The following PRKN variants were observed in gnomAD, a reference collection of about 807,000 sequenced individuals.
PRKN encodes E3 ubiquitin-protein ligase parkin.
A neutral mutation model predicts 59.5 loss-of-function variants in PRKN; 56 were observed. The observed-to-expected ratio is 0.94, with a 90% CI of 0.76 to 1.18. PRKN has a LOEUF of 1.18. Ranked by LOEUF, PRKN falls within the 50% of genes most tolerant of loss-of-function variation. The pLI, the probability that PRKN is intolerant of heterozygous loss-of-function variation, is 0.00. For synonymous variants in PRKN, 250 were observed against 222.1 expected (o/e 1.13, Z -1.12); for missense variants, 657 against 596.4 (o/e 1.10, Z -1.06).
At chr6:162,226,091 TAATAATAA>T (rs1207463247) in intron 3 of PRKN, among the ~76,000 whole-genome samples, 3 of 101,504 alleles carry the variant, frequency 3.0e-5, no homozygotes, top group African/African-American at 1.0e-4. Context: ...ATAATAATAA[TAATAATAA>T]AATTAGATCA....
intron 6 of PRKN, among the ~76,000 whole-genome samples, chr6:161,872,880 T>A (rs1035195617): frequency 5.3e-5 from 8 of 151,966 alleles, no homozygotes; most frequent in African/African-American, 1.9e-4. Context: ...CAAATAGAGT[T>A]ATTCTCCTGA....
chr6:162,144,687 T>C (rs979337094), intron 4 of PRKN, among the ~76,000 whole-genome samples: 1 of 152,176 alleles, frequency 6.6e-6, no homozygotes, highest in Non-Finnish European at 1.5e-5. Context: ...TCAGGAACTT[T>C]TGGTAGTTCT....
chr6:161,731,627 C>T (rs148791635), intron 7 of PRKN, among the ~76,000 whole-genome samples: 406 of 152,156 alleles, frequency 2.7e-3, no homozygotes, highest in African/African-American at 9.2e-3. Context: ...ACTGAATGAT[C>T]CCCCACATTT....
At chr6:161,439,665 G>T (rs1789101988) in intron 9 of PRKN, among the ~76,000 whole-genome samples, 1 of 151,842 alleles carries the variant, frequency 6.6e-6, no homozygotes, top group African/African-American at 2.4e-5. Flanking sequence ...TTGTGCCAAA[G>T]AGCTAGAAGT....
intron 1 of PRKN, among the ~76,000 whole-genome samples, chr6:162,640,248 C>T (rs1176711238): frequency 6.6e-6 from 1 of 152,082 alleles, no homozygotes; most frequent in Non-Finnish European, 1.5e-5. Context: ...GGGGGCTTTT[C>T]ACAGCTGATT....
At chr6:162,493,926 G>A (rs1792934629) in intron 1 of PRKN, among the ~76,000 whole-genome samples, 1 of 152,204 alleles carries the variant, frequency 6.6e-6, no homozygotes, top group African/African-American at 2.4e-5. Context: ...AGATGAGGGA[G>A]AAAACTCAAT....
At position 161,487,291 on chromosome 6, in the gene PRKN, G is replaced by A. The variant is rs920679760; in HGVS notation, c.1083+61563C>T. Among the ~76,000 whole-genome samples the A allele has an allele frequency of 2.0e-5, 3 of 152,100 alleles. No individual in the cohort carries two copies. Among genetic ancestry groups the A allele is most frequent in the African/African-American group, 7.2e-5 (3 of 41,414 alleles). ...CTCAGTAACAACTGCTCAGTGAAGG[G>A]GCTGGGACTCCCAGCACTTGCCTGG... On this transcript the variant is annotated intron_variant, in intron 9 of 11. Coordinates refer to ENST00000366898, the MANE Select transcript of PRKN (RefSeq NM_004562.3). The surrounding 1 kb of genome is among the most constrained non-coding windows in gnomAD (Gnocchi z 5.3).
At chr6:162,594,984 C>T (rs1781445691) in intron 1 of PRKN, among the ~76,000 whole-genome samples, 1 of 152,002 alleles carries the variant, frequency 6.6e-6, no homozygotes, top group African/African-American at 2.4e-5. Flanking sequence ...ACCATCCTGG[C>T]TAACACGGTG....
At chr6:161,920,201 T>A (rs1253773475) in intron 6 of PRKN, among the ~76,000 whole-genome samples, 1 of 152,046 alleles carries the variant, frequency 6.6e-6, no homozygotes, top group Non-Finnish European at 1.5e-5. Context: ...CTGGCCAACA[T>A]GGTGAAACCC....
At chr6:161,681,657 C>A (rs910615053) in intron 7 of PRKN, among the ~76,000 whole-genome samples, 1 of 152,202 alleles carries the variant, frequency 6.6e-6, no homozygotes, top group Non-Finnish European at 1.5e-5. Flanking sequence ...TTCTGATGGG[C>A]AGCTCAAGTG....
chr6:162,113,601 G>T lies in PRKN; in HGVS notation c.535-59427C>A, dbSNP rs573922155. ...ATACATGTACACAATTTTCATTACT[G>T]ATCTTTCACTTATGTCTGAAAGTCA... On this transcript the variant is annotated intron_variant, in intron 4 of 11. Transcript: ENST00000366898. Among the ~76,000 whole-genome samples the T allele has an allele frequency of 2.0e-5, 3 of 152,214 alleles. No individual in the cohort carries two copies. The South Asian group carries it at 6.2e-4, about 32-fold the overall frequency.
chr6:161,796,025 G>A (rs997812932), intron 6 of PRKN, among the ~76,000 whole-genome samples: 4 of 152,008 alleles, frequency 2.6e-5, no homozygotes, highest in South Asian at 2.1e-4. Flanking sequence ...ATAAATCTGC[G>A]TTTTAGGTTT....
intron 1 of PRKN, among the ~76,000 whole-genome samples, chr6:162,450,330 C>T (rs1444889953): frequency 1.0e-5 from 1 of 96,480 alleles, no homozygotes; most frequent in Non-Finnish European, 2.6e-5. Context: ...AATGTAAACG[C>T]CCCTGTGATT....
intron 1 of PRKN, among the ~76,000 whole-genome samples, chr6:162,602,845 TG>T (rs1456994233): frequency 6.6e-6 from 1 of 152,028 alleles, no homozygotes; most frequent in Non-Finnish European, 1.5e-5. Context: ...TAGAAAGCAA[TG>T]GGGGAACAAA....
chr6:161,915,427 A>C (rs2128237843), intron 6 of PRKN, among the ~76,000 whole-genome samples: 1 of 152,192 alleles, frequency 6.6e-6, no homozygotes, highest in Non-Finnish European at 1.5e-5. Context: ...ACATCAAGAC[A>C]CTTACTTTGA....
intron 7 of PRKN, among the ~76,000 whole-genome samples, chr6:161,594,779 A>T (rs1295914274): frequency 2.0e-5 from 3 of 152,204 alleles, no homozygotes; most frequent in Non-Finnish European, 2.9e-5. Context: ...AAATGTAACT[A>T]CATGTGCAAG....
In PRKN at chr6:161,551,628, A is replaced by C. The variant is rs1780022672; in HGVS notation, c.934-2625T>G. 6.6e-6 allele frequency among the ~76,000 whole-genome samples: 1 copy of C among 152,148 alleles called. No homozygotes were observed. Among genetic ancestry groups the C allele is most frequent in the African/African-American group, 2.4e-5 (1 of 41,438 alleles). ...AAAAGTCATTTCAGTGGAGTCATGG[A>C]GCCAAAAGCCTTTGGAGTGGAGTCC... On this transcript the variant is annotated intron_variant, in intron 8 of 11. Transcript: ENST00000366898. This position sits in a 1 kb window ranked among gnomAD's most constrained non-coding sequence, Gnocchi z 5.2.
chr6:162,141,999 T>C (rs1394044792), intron 4 of PRKN, among the ~76,000 whole-genome samples: 1 of 152,214 alleles, frequency 6.6e-6, no homozygotes, highest in African/African-American at 2.4e-5. Flanking sequence ...GTTTACTATT[T>C]TGACTCATAT....
At chr6:161,587,322 A>C (rs1025849806) in intron 7 of PRKN, among the ~76,000 whole-genome samples, 1 of 152,362 alleles carries the variant, frequency 6.6e-6, no homozygotes, top group South Asian at 2.1e-4. Flanking sequence ...GCTATAAAGA[A>C]GACGCAATGA....
Sources: gnomAD v4.1 joint callset for allele counts (sites outside exome capture counted in the v4.1 genomes callset) on GRCh38, gnomAD v4.1.1 for gene constraint, Gnocchi (gnomAD v3.1) non-coding constraint, MANE v1.5 for transcripts, NCBI Gene and HGNC (gene_info 2026-07-23, HGNC 2026-07-21) for gene names.